Variants in ZFR2 observed in about 807,000 individuals in gnomAD.
ZFR2 encodes zinc finger RNA-binding protein 2.
Under a neutral mutation model 105.7 loss-of-function variants are expected in ZFR2, and 104 were observed. The ratio of observed to expected loss-of-function variants is 0.98; its 90% CI spans 0.84 to 1.16. The LOEUF is 1.16. ZFR2 is among the 50% of genes most tolerant of loss of function. The probability of loss-of-function intolerance (pLI) is 0.00; values close to 1 mark genes in which losing one functional copy is unlikely to be tolerated. For missense variants in ZFR2, 1,425 were observed against 1,355.5 expected, an observed-to-expected ratio of 1.05 and a Z score of -0.80; for synonymous variants, 634 against 597.7, an observed-to-expected ratio of 1.06 and a Z score of -0.89.
intron 1 of ZFR2, among the ~76,000 whole-genome samples, chr19:3,849,573 G>C (rs939704558): frequency 2.0e-5 from 3 of 152,230 alleles, no homozygotes; most frequent in African/African-American, 7.2e-5. Context: ...ACCTTGACCA[G>C]TTAAGAACTG....
rs1485147970 is a variant in ZFR2 at position 3,806,155 on chromosome 19, C to A, written c.2644-30G>T. The A allele has an allele frequency of 5.7e-6, 8 of 1,401,834 alleles. No individual in the cohort carries two copies. In the South Asian group the frequency reaches 1.2e-4, roughly 22 times the overall value. The allele number at this position is 1,401,834 out of a possible 1,614,324, so 86.8% of individuals were successfully genotyped here. On this transcript the variant is annotated intron_variant, in intron 18 of 18. Transcript: ENST00000262961. ...GGGGCACACACAGCCTGTCAGGACCCCCGCCCGCTCTGCTCCCCGAGTGCT... is the reference window on the plus strand; with the variant it reads ...GGGGCACACACAGCCTGTCAGGACCACCGCCCGCTCTGCTCCCCGAGTGCT...
Position 3,834,675 on chromosome 19 carries a change from G to A in ZFR2, c.264+98C>T, listed in dbSNP as rs1302752802. Reference sequence around the variant, plus strand: ...CCGAAGGAAGGATCACGGTTAAGAGGCCTGGGAGAAGGAGTAGCTGTGGGA... The same window carrying A: ...CCGAAGGAAGGATCACGGTTAAGAGACCTGGGAGAAGGAGTAGCTGTGGGA... On this transcript the variant is annotated intron_variant, in intron 2 of 18. Coordinates refer to ENST00000262961, the MANE Select transcript of ZFR2 (RefSeq NM_015174.2). This position sits in a 1 kb window ranked among gnomAD's most constrained non-coding sequence, Gnocchi z 5.3. 1 of 1,269,532 alleles carries A rather than the reference G, an allele frequency of 7.9e-7. No individual in the cohort carries two copies. The highest frequency in any genetic ancestry group is 1.1e-6 in the Non-Finnish European group (1 of 899,408). 78.6% of individuals were successfully genotyped at this position (1,269,532 alleles called of 1,614,324 possible). A position where few individuals can be genotyped will look rare whatever the true frequency, so the allele number is the denominator to read the frequency against.
chr19:3,824,201 G>A (rs1372030268), intron 7 of ZFR2, among the ~76,000 whole-genome samples: 5 of 152,216 alleles, frequency 3.3e-5, no homozygotes, highest in African/African-American at 9.6e-5. Context: ...TCAGGAGGCT[G>A]AGCTGGGAGG....
Position 3,831,199 on chromosome 19 carries a change from C to T in ZFR2, c.852+104G>A, listed in dbSNP as rs1354201962. 24 of 1,410,070 alleles carry T rather than the reference C, an allele frequency of 1.7e-5. No individual in the cohort carries two copies. The African/African-American group carries it at 2.7e-4, about 16-fold the overall frequency. 87.3% of individuals were successfully genotyped at this position (1,410,070 alleles called of 1,614,324 possible). A position where few individuals can be genotyped will look rare whatever the true frequency, so the allele number is the denominator to read the frequency against. On this transcript the variant is annotated intron_variant, in intron 5 of 18. Coordinates refer to ENST00000262961, the MANE Select transcript of ZFR2 (RefSeq NM_015174.2). ...TGCAAGTTAACACCAGACCTTCTTT[C>T]AGCAGGCAGCGACCCTGACCACCCC...
In ZFR2 at chr19:3,852,330, T is replaced by A. The variant is rs373621924; in HGVS notation, c.53+16635A>T. The A allele has an allele frequency of 1.1e-4, 72 of 628,826 alleles. No homozygotes were observed. In the East Asian group the frequency reaches 2.0e-3, roughly 17 times the overall value. The allele number at this position is 628,826 out of a possible 1,614,324, so 39.0% of individuals were successfully genotyped here. ...GTGGCAATCCTGGTGGAGGTGGGCCTCAGCTGGGTGGCTCTCCTGACCATG... is the reference window on the plus strand; with the variant it reads ...GTGGCAATCCTGGTGGAGGTGGGCCACAGCTGGGTGGCTCTCCTGACCATG... On this transcript the variant is annotated intron_variant, in intron 1 of 18. Coordinates refer to ENST00000262961, the MANE Select transcript of ZFR2 (RefSeq NM_015174.2).
At chr19:3,859,566 C>T (rs751589979) in intron 1 of ZFR2, among the ~76,000 whole-genome samples, 8 of 152,226 alleles carry the variant, frequency 5.3e-5, no homozygotes, top group African/African-American at 1.4e-4. Context: ...CCTGCACTCC[C>T]GCGTTCTGAC....
intron 1 of ZFR2, among the ~76,000 whole-genome samples, chr19:3,854,790 G>T (rs564493153): frequency 1.3e-5 from 2 of 152,258 alleles, no homozygotes; most frequent in East Asian, 1.9e-4. Context: ...AAGAGACAGG[G>T]TCTCGCTCTG....
At chr19:3,850,091 G>A (rs2038221789) in intron 1 of ZFR2, among the ~76,000 whole-genome samples, 1 of 152,170 alleles carries the variant, frequency 6.6e-6, no homozygotes, top group South Asian at 2.1e-4. Flanking sequence ...GGAATGGAGT[G>A]CCTCTCCTAC....
chr19:3,819,315 A>T, intron 11 of ZFR2, 80 bp from the exon 12 acceptor site: 2 of 964,522 alleles, frequency 2.1e-6, no homozygotes, highest in Non-Finnish European at 2.8e-6. Context: ...AGGTGGGGGC[A>T]GGTGGCCGTG....
rs532921786 is a variant in ZFR2 at position 3,868,912 on chromosome 19, G to A, written c.53+53C>T. 83 of 1,239,432 alleles carry A rather than the reference G, an allele frequency of 6.7e-5. No individual in the cohort carries two copies. The African/African-American group carries it at 1.0e-3, about 15-fold the overall frequency. 76.8% of individuals were successfully genotyped at this position (1,239,432 alleles called of 1,614,324 possible). A position where few individuals can be genotyped will look rare whatever the true frequency, so the allele number is the denominator to read the frequency against. On this transcript the variant is annotated intron_variant, in intron 1 of 18. Coordinates refer to ENST00000262961, the MANE Select transcript of ZFR2 (RefSeq NM_015174.2). ...CGGGAGAAGGGGTAGGCGGGGTCCC[G>A]GCCAGGCTGCAGGGGCCGGGACTGG...
chr19:3,820,090 T>C lies in ZFR2; in HGVS notation c.1740+92A>G, dbSNP rs569215844. On this transcript the variant is annotated intron_variant, in intron 11 of 18. Coordinates refer to ENST00000262961, the MANE Select transcript of ZFR2 (RefSeq NM_015174.2). ...CCATCCCCTGAGTACTATGTGGGAGTTGGGGGGAGGCCGGGTCCTCCCGAG... is the reference window on the plus strand; with the variant it reads ...CCATCCCCTGAGTACTATGTGGGAGCTGGGGGGAGGCCGGGTCCTCCCGAG... The C allele has an allele frequency of 5.3e-4, 670 of 1,260,698 alleles. 1 individual carries two copies. In the African/African-American group the frequency reaches 9.4e-3, roughly 18 times the overall value. The allele number at this position is 1,260,698 out of a possible 1,614,324, so 78.1% of individuals were successfully genotyped here.
chr19:3,808,870 A>T lies in ZFR2; in HGVS notation c.2545+2T>A. On this transcript the variant is annotated splice_donor_variant, in intron 17 of 18. Transcript: ENST00000262961. LOFTEE classifies it high-confidence loss of function. ...CCTGGGCCCTCCGGCCCAGCGACTG[A>T]CCTGTCAGGAGCGTCCCTGTGGCCA... The T allele has an allele frequency of 6.5e-7, 1 of 1,545,024 alleles. No individual in the cohort carries two copies. The highest frequency in any genetic ancestry group is 8.7e-7 in the Non-Finnish European group (1 of 1,147,542).
rs1221439590 is a variant in ZFR2 at position 3,820,168 on chromosome 19, G to A, written c.1740+14C>T. The A allele has an allele frequency of 1.3e-6, 2 of 1,551,014 alleles. No individual in the cohort carries two copies. The highest frequency in any genetic ancestry group is 1.7e-6 in the Non-Finnish European group (2 of 1,146,812). The stretch of plus-strand genomic sequence containing the variant: ...AGGTCGCCCGCGTTTGCACACAGAG[G>A]AAACTGTACCTACCTGGAGTGGGGC... On this transcript the variant is annotated intron_variant, in intron 11 of 18. Coordinates refer to ENST00000262961, the MANE Select transcript of ZFR2 (RefSeq NM_015174.2).
Position 3,808,878 on chromosome 19 carries a change from G to A in ZFR2, c.2539C>T (p.Leu847=), listed in dbSNP as rs753553320. Residue 847 remains leucine, a synonymous_variant, in exon 17 of 19, where the codon CTG becomes TTG. Coordinates refer to ENST00000262961, the MANE Select transcript of ZFR2 (RefSeq NM_015174.2). ...VLECVATGTL[L]TDGPGLQDPC... is the part of the protein sequence containing the mutation. ...CTCCGGCCCAGCGACTGACCTGTCA[G>A]GAGCGTCCCTGTGGCCACGCACTCC... is the stretch of plus-strand genomic sequence containing the variant. 6.5e-6 allele frequency: 10 copies of A among 1,549,740 alleles called. No homozygotes were observed. Among genetic ancestry groups the A allele is most frequent in the Non-Finnish European group, 7.0e-6 (8 of 1,149,586 alleles).
At chr19:3,808,369 C>T (rs932946514) in intron 17 of ZFR2, among the ~76,000 whole-genome samples, 2 of 152,248 alleles carry the variant, frequency 1.3e-5, no homozygotes, top group South Asian at 2.1e-4. Flanking sequence ...AAAAATGACT[C>T]GAAAACACCC....
Position 3,838,068 on chromosome 19 carries a change from T to A in ZFR2, c.54-3085A>T, listed in dbSNP as rs1242907093. On this transcript the variant is annotated intron_variant, in intron 1 of 18. Transcript: ENST00000262961. The surrounding 1 kb of genome is among the most constrained non-coding windows in gnomAD (Gnocchi z 4.9). ...TGAACACCATGACCGTGACACGTGA[T>A]GAACACCATGACCGTGACACGCGAT... 3.3e-5 allele frequency among the ~76,000 whole-genome samples: 5 copies of A among 150,992 alleles called. No homozygotes were observed. Among genetic ancestry groups the A allele is most frequent in the Non-Finnish European group, 7.4e-5 (5 of 67,826 alleles).
At chr19:3,849,294 G>A (rs187632882) in intron 1 of ZFR2, among the ~76,000 whole-genome samples, 7 of 152,346 alleles carry the variant, frequency 4.6e-5, no homozygotes, top group South Asian at 4.1e-4. Context: ...CTGTGCCTCC[G>A]CACACAGCTT....
chr19:3,864,422 G>T (rs1172040983), intron 1 of ZFR2, among the ~76,000 whole-genome samples: 1 of 152,090 alleles, frequency 6.6e-6, no homozygotes, highest in Admixed American at 6.6e-5. Context: ...AGGTTCTCTG[G>T]ACAGGACATC....
At chr19:3,850,900 CAAAA>C (rs59933286) in intron 1 of ZFR2, among the ~76,000 whole-genome samples, 9 of 92,492 alleles carry the variant, frequency 9.7e-5, no homozygotes, top group Non-Finnish European at 1.4e-4. Flanking sequence ...GCAGTCTTTT[CAAAA>C]AAAAAAAAAA....
Sources: gnomAD v4.1 joint callset for allele counts (sites outside exome capture counted in the v4.1 genomes callset) on GRCh38, gnomAD v4.1.1 for gene constraint, Gnocchi (gnomAD v3.1) non-coding constraint, MANE v1.5 for transcripts, NCBI Gene and HGNC (gene_info 2026-07-23, HGNC 2026-07-21) for gene names.